SPIDR: variants seen among roughly 807,000 people sequenced by gnomAD.
SPIDR encodes the protein DNA repair-scaffolding protein.
A neutral mutation model predicts 104.6 loss-of-function variants in SPIDR; 93 were observed. The observed-to-expected ratio is 0.89, with a 90% CI of 0.75 to 1.06. The LOEUF is 1.06. Among genes scored for constraint, SPIDR ranks in the 50% least tolerant of loss-of-function variants. The probability of loss-of-function intolerance (pLI) is 0.00; values close to 1 mark genes in which losing one functional copy is unlikely to be tolerated. For synonymous variants in SPIDR, 431 were observed against 416.9 expected (o/e 1.03, Z -0.41); for missense variants, 1,154 against 1,111.2 (o/e 1.04, Z -0.55).
intron 8 of SPIDR, among the ~76,000 whole-genome samples, chr8:47,582,217 T>A (rs2059778561): frequency 7.7e-5 from 2 of 25,862 alleles, no homozygotes; most frequent in African/African-American, 2.0e-4. Flanking sequence ...TGGGACTCCA[T>A]CTCAAAAAAA....
chr8:47,344,599 T>G (rs546266145), intron 5 of SPIDR, among the ~76,000 whole-genome samples: 2 of 152,338 alleles, frequency 1.3e-5, no homozygotes, highest in South Asian at 4.1e-4. Context: ...TGTAAAAGCA[T>G]TCCTATCTCT....
intron 8 of SPIDR, chr8:47,512,109 G>A (rs1355286047): frequency 3.9e-6 from 2 of 514,024 alleles, no homozygotes; most frequent in African/African-American, 3.9e-5. Context: ...TCACCACCAC[G>A]AACTCTCTCA....
At chr8:47,396,682 C>G in intron 6 of SPIDR, 56 bp downstream of exon 6, 1 of 1,476,186 alleles carries the variant, frequency 6.8e-7, no homozygotes, top group Non-Finnish European at 9.2e-7. Flanking sequence ...CTTTAAAAAC[C>G]CAAATATCTA....
At chr8:47,545,201 A>T (rs1350823658) in intron 8 of SPIDR, among the ~76,000 whole-genome samples, 1 of 146,492 alleles carries the variant, frequency 6.8e-6, no homozygotes, top group Non-Finnish European at 1.5e-5. Context: ...GCTCACTGCA[A>T]CCTCTGCCTC....
intron 8 of SPIDR, among the ~76,000 whole-genome samples, chr8:47,563,058 A>G (rs774814087): frequency 1.3e-5 from 2 of 148,882 alleles, no homozygotes; most frequent in African/African-American, 2.5e-5. Context: ...TTTTTTGTCA[A>G]TGAAGGAAAG....
At chr8:47,607,435 A>T (rs1485021253) in intron 10 of SPIDR, among the ~76,000 whole-genome samples, 1 of 151,958 alleles carries the variant, frequency 6.6e-6, no homozygotes, top group East Asian at 2.0e-4. Context: ...GCCATTTGAC[A>T]TTGTTTCTTC....
At chr8:47,427,635 C>T (rs1258921994) in intron 7 of SPIDR, among the ~76,000 whole-genome samples, 12 of 152,272 alleles carry the variant, frequency 7.9e-5, no homozygotes, top group South Asian at 2.1e-4. Flanking sequence ...CTTAGGTGAG[C>T]GTCTCTGTGC....
chr8:47,643,908 G>A (rs2069693967), intron 10 of SPIDR, among the ~76,000 whole-genome samples: 1 of 152,108 alleles, frequency 6.6e-6, no homozygotes, highest in Non-Finnish European at 1.5e-5. Flanking sequence ...GTTATGTTTT[G>A]TTCAAGTAGA....
intron 8 of SPIDR, among the ~76,000 whole-genome samples, chr8:47,575,351 A>G (rs543269571): frequency 6.6e-6 from 1 of 152,226 alleles, no homozygotes; most frequent in Non-Finnish European, 1.5e-5. Context: ...TCTGTAGTTA[A>G]GAAAAAAGCT....
chr8:47,492,177 C>G (rs1309931337), intron 8 of SPIDR, among the ~76,000 whole-genome samples: 1 of 152,144 alleles, frequency 6.6e-6, no homozygotes, highest in African/African-American at 2.4e-5. Context: ...CCAGGCTGTT[C>G]TCTAGTAGCA....
intron 10 of SPIDR, among the ~76,000 whole-genome samples, chr8:47,655,130 T>G (rs1472034766): frequency 6.6e-6 from 1 of 152,234 alleles, no homozygotes; most frequent in Non-Finnish European, 1.5e-5. Flanking sequence ...CTATTATTGT[T>G]GGACATATGG....
At chr8:47,406,174 C>T (rs186263769) in intron 6 of SPIDR, among the ~76,000 whole-genome samples, 2 of 151,186 alleles carry the variant, frequency 1.3e-5, no homozygotes, top group East Asian at 1.9e-4. Flanking sequence ...GCAAAGAATA[C>T]AGCATTTGCT....
chr8:47,558,870 C>T (rs2056707834), intron 8 of SPIDR, among the ~76,000 whole-genome samples: 1 of 152,134 alleles, frequency 6.6e-6, no homozygotes, highest in Non-Finnish European at 1.5e-5. Flanking sequence ...GTCGATCTGA[C>T]CTCGTGATCC....
chr8:47,711,121 C>A (rs1563627392), intron 14 of SPIDR, among the ~76,000 whole-genome samples: 1 of 152,148 alleles, frequency 6.6e-6, no homozygotes, highest in South Asian at 2.1e-4. Flanking sequence ...CAAGTTATAT[C>A]TATTACTGTA....
At chr8:47,668,023 A>C (rs2075229483) in intron 10 of SPIDR, 1 of 152,234 alleles carries the variant, frequency 6.6e-6, no homozygotes, top group South Asian at 2.1e-4. Flanking sequence ...AAAAGTTCAA[A>C]TAGTCCAGTT....
Position 47,703,989 on chromosome 8 carries a change from GT to G in SPIDR, c.1977+1975del, listed in dbSNP as rs535262901. On this transcript the variant is annotated intron_variant, in intron 14 of 19. Transcript: ENST00000297423. ...GAACACAGCGCTGATACATATGATCGTCATATGAAAGTACTTTAAGGCTTTA... is the reference window on the plus strand; with the variant it reads ...GAACACAGCGCTGATACATATGATCGCATATGAAAGTACTTTAAGGCTTTA... Among the ~76,000 whole-genome samples the G allele has an allele frequency of 2.6e-5, 4 of 152,212 alleles. No individual in the cohort carries two copies. The South Asian group carries it at 8.3e-4, about 32-fold the overall frequency.
At chr8:47,284,165 A>T (rs1376494094) in intron 3 of SPIDR, 71 bp downstream of exon 3, 10 of 1,350,102 alleles carry the variant, frequency 7.4e-6, no homozygotes, top group African/African-American at 1.5e-5. Context: ...TATTTTAAAA[A>T]TTTGCTGTTT....
At chr8:47,729,506 T>C (rs776555627) in intron 19 of SPIDR, 41 bp downstream of exon 19, 14 of 1,567,276 alleles carry the variant, frequency 8.9e-6, no homozygotes, top group Admixed American at 1.9e-5. Context: ...GCACACTCAG[T>C]AGCCTGCATG....
intron 8 of SPIDR, among the ~76,000 whole-genome samples, chr8:47,466,870 A>G (rs2074870214): frequency 7.7e-6 from 1 of 130,018 alleles, no homozygotes; most frequent in Non-Finnish European, 1.6e-5. Flanking sequence ...CAAAAGATCT[A>G]GGAGTTAGTT....
Sources: gnomAD v4.1 joint callset for allele counts (sites outside exome capture counted in the v4.1 genomes callset) on GRCh38, gnomAD v4.1.1 for gene constraint, MANE v1.5 for transcripts, NCBI Gene and HGNC (gene_info 2026-07-23, HGNC 2026-07-21) for gene names.